Variants in GNAS-AS1 observed in about 807,000 individuals in gnomAD.
GNAS-AS1 encodes GNAS antisense RNA 1, also known as GNAS antisense RNA 1 (non-protein coding).
chr20:58,850,682 C>A (rs2086123746), exon 1 of GNAS-AS1: 7 of 398,940 alleles, frequency 1.8e-5, no homozygotes. Context: ...CAGTGGCACC[C>A]CGTTGGCTGG....
Position 58,837,907 on chromosome 20 carries a change from G to A in GNAS-AS1, n.819+4030C>T, listed in dbSNP as rs1600650154. Among the ~76,000 whole-genome samples the A allele has an allele frequency of 2.0e-5, 3 of 152,352 alleles. No homozygotes were observed. The East Asian group carries it at 5.8e-4, about 29-fold the overall frequency. ...TTTTAATACGGGTGTGGTGTTGAAG[G>A]TGTGAGGTTAAGTTCCATCATGGTG... On this transcript the variant is annotated intron_variant and non_coding_transcript_variant, in intron 4 of 4. Transcript: ENST00000424094.
At chr20:58,838,784 G>A (rs2085632843) in intron 4 of GNAS-AS1, 1 of 387,182 alleles carries the variant, frequency 2.6e-6, no homozygotes, top group Non-Finnish European at 4.5e-6. Context: ...GAGCGTAGTG[G>A]TGCACGCCTG....
chr20:58,840,116 A>G lies in GNAS-AS1; in HGVS notation n.819+1821T>C, dbSNP rs144308406. 2.9e-5 allele frequency: 47 copies of G among 1,611,148 alleles called. No individual in the cohort carries two copies. The African/African-American group carries it at 5.3e-4, about 18-fold the overall frequency. On this transcript the variant is annotated intron_variant and non_coding_transcript_variant, in intron 4 of 4. Transcript: ENST00000424094. The surrounding 1 kb of genome is among the most constrained non-coding windows in gnomAD (Gnocchi z 6.0). Reference sequence around the variant, plus strand: ...GTGTGTGCCTAAGAGGATGGATCGGAGGTCCCGGGCTCAGCAGTGGCGCCG... The same window carrying G: ...GTGTGTGCCTAAGAGGATGGATCGGGGGTCCCGGGCTCAGCAGTGGCGCCG...
exon 3 of GNAS-AS1, chr20:58,842,503 G>C (rs868259299): frequency 3.0e-5 from 12 of 398,484 alleles, no homozygotes; most frequent in Admixed American, 4.4e-5. Flanking sequence ...TAGTTCTGCC[G>C]GGCTGCAGCG....
intron 4 of GNAS-AS1, chr20:58,839,246 C>T (rs1302630715): frequency 1.3e-5 from 5 of 398,604 alleles, no homozygotes; most frequent in Non-Finnish European, 2.2e-5. Context: ...TTTCTAATTA[C>T]AGTCACTATA....
rs6026552 is a variant in GNAS-AS1 at position 58,841,915 on chromosome 20, G to T, written n.819+22C>A. ...GGGACAGGCTGGAGACGGGGGTCGC[G>T]TCTAACATCAGGATAACTTACAATT... On this transcript the variant is annotated intron_variant and non_coding_transcript_variant, in intron 4 of 4. Coordinates refer to ENST00000424094, the Ensembl canonical transcript of GNAS-AS1. This position sits in a 1 kb window ranked among gnomAD's most constrained non-coding sequence, Gnocchi z 5.0. The T allele has an allele frequency of 7.4e-6, 9 of 1,221,288 alleles. No individual in the cohort carries two copies. Among genetic ancestry groups the T allele is most frequent in the Non-Finnish European group, 9.2e-6 (9 of 978,556 alleles). 75.7% of individuals were successfully genotyped at this position (1,221,288 alleles called of 1,614,324 possible). A position where few individuals can be genotyped will look rare whatever the true frequency, so the allele number is the denominator to read the frequency against.
intron 4 of GNAS-AS1, among the ~76,000 whole-genome samples, chr20:58,829,970 C>T (rs2085543409): frequency 6.6e-6 from 1 of 152,096 alleles, no homozygotes; most frequent in Admixed American, 6.5e-5. Context: ...CCAAACTCTA[C>T]AGCTTCTAAG....
At chr20:58,850,889 A>G (rs563353511) in exon 1 of GNAS-AS1, 14 of 398,606 alleles carry the variant, frequency 3.5e-5, no homozygotes, top group African/African-American at 2.9e-4. Context: ...GGGCGTTCCA[A>G]CGCGGCGCCC....
intron 4 of GNAS-AS1, among the ~76,000 whole-genome samples, chr20:58,831,503 C>G (rs566051051): frequency 1.3e-5 from 2 of 152,068 alleles, no homozygotes; most frequent in African/African-American, 4.8e-5. Context: ...GGTGAAACCT[C>G]GTCTCTACTA....
At chr20:58,830,353 CCAT>C (rs1355209779) in intron 4 of GNAS-AS1, among the ~76,000 whole-genome samples, 1 of 141,658 alleles carries the variant, frequency 7.1e-6, no homozygotes, top group South Asian at 2.4e-4. Flanking sequence ...CACCACACCA[CCAT>C]CACCACCACC....
At chr20:58,826,058 G>A in intron 4 of GNAS-AS1, 1 of 398,640 alleles carries the variant, frequency 2.5e-6, no homozygotes, top group Non-Finnish European at 4.4e-6. Context: ...AAAGACAGAT[G>A]AGCAAATGTC....
chr20:58,835,647 C>A (rs1265802242), intron 4 of GNAS-AS1, among the ~76,000 whole-genome samples: 2 of 152,190 alleles, frequency 1.3e-5, no homozygotes, highest in African/African-American at 4.8e-5. Context: ...TGTCAGCAAT[C>A]TGGTTTTAAT....
At chr20:58,827,492 C>T (rs1314014767) in intron 4 of GNAS-AS1, among the ~76,000 whole-genome samples, 1 of 152,232 alleles carries the variant, frequency 6.6e-6, no homozygotes, top group East Asian at 1.9e-4. Context: ...TCCAGAGAAA[C>T]ACTTGTGACA....
At chr20:58,820,506 G>C (rs2085478774) in intron 4 of GNAS-AS1, among the ~76,000 whole-genome samples, 1 of 152,210 alleles carries the variant, frequency 6.6e-6, no homozygotes, top group South Asian at 2.1e-4. Context: ...AAGCACTAGT[G>C]AACCTTCTCT....
At chr20:58,829,469 G>A (rs1271849673) in intron 4 of GNAS-AS1, among the ~76,000 whole-genome samples, 1 of 152,214 alleles carries the variant, frequency 6.6e-6, no homozygotes, top group Non-Finnish European at 1.5e-5. Context: ...CAGAAAGACT[G>A]CAGTTTAACC....
At chr20:58,826,594 A>C (rs2085521885) in intron 4 of GNAS-AS1, 1 of 152,634 alleles carries the variant, frequency 6.6e-6, no homozygotes, top group South Asian at 2.1e-4. Context: ...TGGGTTTAAA[A>C]TGATCAGATG....
chr20:58,823,921 A>G (rs778539188), intron 4 of GNAS-AS1: 56 of 398,046 alleles, frequency 1.4e-4, no homozygotes, highest in Non-Finnish European at 1.9e-4. Context: ...TTCTCTCATC[A>G]TCGATACATA....
chr20:58,840,025 C>T lies in GNAS-AS1; in HGVS notation n.819+1912G>A. ...CTCACCTCATAGGGTGTACCTTTCCCGGCTCCAGCAGCCAATGTGCTTCGG... is the reference window on the plus strand; with the variant it reads ...CTCACCTCATAGGGTGTACCTTTCCTGGCTCCAGCAGCCAATGTGCTTCGG... On this transcript the variant is annotated intron_variant and non_coding_transcript_variant, in intron 4 of 4. Transcript: ENST00000424094. This position sits in a 1 kb window ranked among gnomAD's most constrained non-coding sequence, Gnocchi z 6.0. 5 of 1,521,416 alleles carry T rather than the reference C, an allele frequency of 3.3e-6. No individual in the cohort carries two copies. Among genetic ancestry groups the T allele is most frequent in the Non-Finnish European group, 3.6e-6 (4 of 1,109,118 alleles). The allele number at this position is 1,521,416 out of a possible 1,614,324, so 94.2% of individuals were successfully genotyped here.
At chr20:58,837,475 T>C (rs943902712) in intron 4 of GNAS-AS1, among the ~76,000 whole-genome samples, 9 of 152,228 alleles carry the variant, frequency 5.9e-5, no homozygotes, top group South Asian at 2.1e-4. Flanking sequence ...AACTGGAACA[T>C]AGACATTTGT....
Sources: gnomAD v4.1 joint callset for allele counts (sites outside exome capture counted in the v4.1 genomes callset) on GRCh38, gnomAD v4.1.1 for gene constraint, Gnocchi (gnomAD v3.1) non-coding constraint, MANE v1.5 for transcripts, NCBI Gene and HGNC (gene_info 2026-07-23, HGNC 2026-07-21) for gene names.